ME3: variants seen among roughly 807,000 people sequenced by gnomAD.
ME3 encodes NADP-dependent malic enzyme, mitochondrial.
In ME3, 48 loss-of-function variants were observed where a neutral mutation model predicts 68.9. The ratio of observed to expected loss-of-function variants is 0.70; its 90% CI spans 0.55 to 0.89. The LOEUF is 0.89. ME3 is among the 40% of genes least tolerant of loss of function. The pLI is 0.00. For missense variants in ME3, 675 were observed against 797.4 expected (o/e 0.85, Z 1.85); for synonymous variants, 320 against 318.8 (o/e 1.00, Z -0.04).
At chr11:86,582,788 C>T (rs1958518121) in intron 2 of ME3, among the ~76,000 whole-genome samples, 1 of 151,772 alleles carries the variant, frequency 6.6e-6, no homozygotes, top group African/African-American at 2.4e-5. Context: ...CACGGGAGTC[C>T]TGCTACTGGG....
At chr11:86,534,401 G>A (rs991069333) in intron 4 of ME3, among the ~76,000 whole-genome samples, 1 of 152,162 alleles carries the variant, frequency 6.6e-6, no homozygotes, top group East Asian at 1.9e-4. Flanking sequence ...TAGGCTGGGC[G>A]AGGTGGCTTA....
At chr11:86,569,753 C>T (rs933840331) in intron 2 of ME3, among the ~76,000 whole-genome samples, 1 of 152,128 alleles carries the variant, frequency 6.6e-6, no homozygotes, top group Non-Finnish European at 1.5e-5. Flanking sequence ...TGATTATTAT[C>T]CCCACTTTGT....
intron 2 of ME3, chr11:86,668,264 G>A (rs1946700777): frequency 6.6e-6 from 1 of 151,942 alleles, no homozygotes; most frequent in Non-Finnish European, 1.5e-5. Flanking sequence ...GAAAATGTTG[G>A]ATGAGAACAA....
chr11:86,623,331 G>T (rs144988986), intron 2 of ME3, among the ~76,000 whole-genome samples: 1 of 152,246 alleles, frequency 6.6e-6, no homozygotes. Flanking sequence ...TTATACCCTG[G>T]CTCTCCTCAT....
At chr11:86,580,722 C>T (rs1383351817) in intron 2 of ME3, among the ~76,000 whole-genome samples, 2 of 152,182 alleles carry the variant, frequency 1.3e-5, no homozygotes, top group South Asian at 4.1e-4. Context: ...AATGTAAACA[C>T]AGGTCTGTGT....
chr11:86,496,050 A>G (rs141343927), intron 6 of ME3, among the ~76,000 whole-genome samples: 1 of 152,314 alleles, frequency 6.6e-6, no homozygotes, highest in East Asian at 1.9e-4. Context: ...TCATATCTGC[A>G]GATGAAGCCT....
chr11:86,462,189 A>G (rs1462844739), intron 8 of ME3, among the ~76,000 whole-genome samples: 1 of 152,208 alleles, frequency 6.6e-6, no homozygotes, highest in African/African-American at 2.4e-5. Flanking sequence ...GTCCACTTAT[A>G]TGCAGATTTT....
intron 7 of ME3, among the ~76,000 whole-genome samples, chr11:86,475,906 G>GAGAGAGAA (rs1951058377): frequency 6.7e-6 from 1 of 148,502 alleles, no homozygotes; most frequent in African/African-American, 2.5e-5. Flanking sequence ...GAGAGAAAGA[G>GAGAGAGAA]AAAGAGAGAG....
intron 2 of ME3, among the ~76,000 whole-genome samples, chr11:86,582,314 T>C (rs1958485335): frequency 6.6e-6 from 1 of 152,238 alleles, no homozygotes; most frequent in African/African-American, 2.4e-5. Flanking sequence ...TGATTGAAAC[T>C]TACATTTAAA....
At chr11:86,508,838 C>A (rs1032772618) in exon 5 of ME3, 4 of 1,613,574 alleles carry the variant, frequency 2.5e-6, no homozygotes, top group South Asian at 2.2e-5. Flanking sequence ...TGCAAGATGA[C>A]CTTTGTCATG....
intron 13 of ME3, among the ~76,000 whole-genome samples, chr11:86,443,666 T>C (rs933942158): frequency 6.6e-6 from 1 of 152,214 alleles, no homozygotes; most frequent in African/African-American, 2.4e-5. Flanking sequence ...CCACTGGTGC[T>C]CTCTGAGAAC....
chr11:86,579,389 T>C (rs953166915), intron 2 of ME3, among the ~76,000 whole-genome samples: 1 of 152,112 alleles, frequency 6.6e-6, no homozygotes, highest in Non-Finnish European at 1.5e-5. Context: ...CTTCAAATAA[T>C]GTCTCTGCTC....
At chr11:86,642,293 A>T (rs966867056) in intron 2 of ME3, among the ~76,000 whole-genome samples, 1 of 152,238 alleles carries the variant, frequency 6.6e-6, no homozygotes, top group African/African-American at 2.4e-5. Flanking sequence ...GAGCCCTTAC[A>T]GGTGTGAAAA....
chr11:86,549,829 A>C (rs1451741478), intron 4 of ME3, among the ~76,000 whole-genome samples: 3 of 152,142 alleles, frequency 2.0e-5, no homozygotes, highest in African/African-American at 4.8e-5. Flanking sequence ...TGTGAATGAG[A>C]TGAGGGGGCT....
At chr11:86,512,439 A>G (rs619195) in intron 4 of ME3, among the ~76,000 whole-genome samples, 11,827 of 152,304 alleles carry the variant, frequency 0.078, 590 homozygotes, top group East Asian at 0.26. Context: ...ATTCACCACT[A>G]TATCCCTAAA....
chr11:86,670,441 T>C (rs907964586), intron 2 of ME3, among the ~76,000 whole-genome samples: 3 of 152,210 alleles, frequency 2.0e-5, no homozygotes, highest in African/African-American at 4.8e-5. Context: ...CTAGATTCTT[T>C]AGATAAAGGA....
At chr11:86,597,742 G>A (rs1959764960) in intron 2 of ME3, among the ~76,000 whole-genome samples, 1 of 152,136 alleles carries the variant, frequency 6.6e-6, no homozygotes, top group African/African-American at 2.4e-5. Context: ...CCGTGACAGG[G>A]CCCTCAGGAG....
chr11:86,441,189 A>G (rs1244564015), exon 15 of ME3: 2 of 1,245,752 alleles, frequency 1.6e-6, no homozygotes, highest in Middle Eastern at 2.3e-4. Context: ...ACACAGCGAC[A>G]AGGATTCACT....
At chr11:86,547,364 G>T (rs1427273522) in intron 4 of ME3, among the ~76,000 whole-genome samples, 1 of 151,100 alleles carries the variant, frequency 6.6e-6, no homozygotes, top group African/African-American at 2.4e-5. Flanking sequence ...ATCATTCTCA[G>T]CAAACTAACA....
Sources: allele counts gnomAD v4.1 joint callset (sites outside exome capture counted in the v4.1 genomes callset), GRCh38; gene constraint gnomAD v4.1.1; transcripts MANE v1.5; gene names NCBI Gene and HGNC (gene_info 2026-07-23, HGNC 2026-07-21).